Variants in NTMT2 observed in about 807,000 individuals in gnomAD.
The protein encoded by NTMT2 is N-terminal Xaa-Pro-Lys N-methyltransferase 2, also known as X-Pro-Lys N-terminal protein methyltransferase 1B.
NTMT2 carries 21 observed loss-of-function variants against 23.4 expected under a neutral mutation model. The observed-to-expected ratio is 0.90, with a 90% CI of 0.64 to 1.29. NTMT2 has a LOEUF of 1.29. NTMT2 is among the 50% of genes most tolerant of loss of function. The pLI, the probability that NTMT2 is intolerant of heterozygous loss-of-function variation, is 0.00. For missense variants in NTMT2, 336 were observed against 352.0 expected, an observed-to-expected ratio of 0.95 and a Z score of 0.36; for synonymous variants, 131 against 127.7, an observed-to-expected ratio of 1.03 and a Z score of -0.17.
intron 1 of NTMT2, 23 bp from the exon 2 acceptor site, chr1:170,160,495 T>A: frequency 6.7e-7 from 1 of 1,489,452 alleles, no homozygotes. Context: ...TATTAATACC[T>A]ATTAATAATG....
intron 1 of NTMT2, among the ~76,000 whole-genome samples, chr1:170,148,736 C>G (rs1252544697): frequency 6.6e-6 from 1 of 152,094 alleles, no homozygotes; most frequent in Non-Finnish European, 1.5e-5. Flanking sequence ...TTTCAACATG[C>G]ATTATTGGAG....
rs1673443009 is a variant in NTMT2 at position 170,168,432 on chromosome 1, CTAAT to C, written c.*679_*682del. Among the ~76,000 whole-genome samples, 1 of 152,166 alleles carries C rather than the reference CTAAT, an allele frequency of 6.6e-6. No homozygotes were observed. Among genetic ancestry groups the C allele is most frequent in the Non-Finnish European group, 1.5e-5 (1 of 68,038 alleles). ...ACTTCTCTTGAACAAACATCTCCCTCTAATTAAGAAGACACTAGTCAAAATAATC... is the reference window on the plus strand; with the variant it reads ...ACTTCTCTTGAACAAACATCTCCCTCTAAGAAGACACTAGTCAAAATAATC... On this transcript the variant is annotated 3_prime_UTR_variant, in exon 4 of 4. Transcript: ENST00000439373.
At chr1:170,147,144 T>G (rs1281865666) in intron 1 of NTMT2, among the ~76,000 whole-genome samples, 7 of 152,186 alleles carry the variant, frequency 4.6e-5, no homozygotes, top group African/African-American at 1.7e-4. Flanking sequence ...CATAATTCTT[T>G]GTATTGCATT....
intron 1 of NTMT2, 48 bp from the exon 2 acceptor site, chr1:170,160,470 T>G: frequency 2.9e-6 from 4 of 1,385,782 alleles, no homozygotes; most frequent in Non-Finnish European, 3.8e-6. Context: ...AGCTGAGATT[T>G]TTTTATCTTA....
At chr1:170,149,457 A>G (rs2102229621) in intron 1 of NTMT2, among the ~76,000 whole-genome samples, 1 of 152,346 alleles carries the variant, frequency 6.6e-6, no homozygotes, top group Admixed American at 6.5e-5. Flanking sequence ...AATTGCGTGT[A>G]TTAGTTTCCC....
At chr1:170,159,364 G>C (rs950739036) in intron 1 of NTMT2, among the ~76,000 whole-genome samples, 15 of 149,776 alleles carry the variant, frequency 1.0e-4, no homozygotes, top group Admixed American at 9.9e-4. Flanking sequence ...CTTTTAGGAG[G>C]GTGCACTTGC....
At chr1:170,146,323 A>C (rs1205674720) in intron 1 of NTMT2, 62 bp downstream of exon 1, 4 of 1,443,646 alleles carry the variant, frequency 2.8e-6, no homozygotes, top group Non-Finnish European at 2.8e-6. Flanking sequence ...GCATGAGGTC[A>C]TGGGGCTTCT....
rs1328318354 is a variant in NTMT2, at chr1:170,166,733, T to G, written c.562T>G (p.Trp188Gly). Reference sequence around the variant, plus strand: ...CCCCTTCAGGAGATATGATGTCATCTGGATTCAGTGGGTCTCTGGTTAGTC... The same window carrying G: ...CCCCTTCAGGAGATATGATGTCATCGGGATTCAGTGGGTCTCTGGTTAGTC... ...TPPFRRYDVI[W>G]IQWVSGHLTD... The change falls in exon 3 of 4, where the codon TGG becomes GGG. Residue 188 changes from tryptophan to glycine, a missense_variant. Transcript: ENST00000439373. The G allele has an allele frequency of 6.4e-7, 1 of 1,552,248 alleles. No individual in the cohort carries two copies. Among genetic ancestry groups the G allele is most frequent in the African/African-American group, 1.4e-5 (1 of 73,054 alleles).
Position 170,160,598 on chromosome 1 carries a change from G to A in NTMT2, c.235G>A (p.Val79Ile), listed in dbSNP as rs189142849. The change falls in exon 2 of 4, where the codon GTA (valine) becomes ATA (isoleucine). Residue 79 changes from valine (V) to isoleucine (I), a missense_variant. Val to Ile is a conservative substitution (Grantham distance 29). Transcript: ENST00000439373. ...CAGAGCTAAACTTTTCTACCAAGAA[G>A]TACCAGCCACAGAAGAGGGTATGAT... ...YARAKLFYQE[V>I]PATEEGMMGN... The A allele has an allele frequency of 1.2e-5, 18 of 1,551,538 alleles. No individual in the cohort carries two copies. Among genetic ancestry groups the A allele is most frequent in the Middle Eastern group, 1.7e-4 (1 of 5,990 alleles).
chr1:170,160,748 C>T, intron 2 of NTMT2, 55 bp downstream of exon 2: 1 of 1,400,006 alleles, frequency 7.1e-7, no homozygotes, highest in South Asian at 1.5e-5. Flanking sequence ...AAACATTGAG[C>T]TCGCATGCCT....
At position 170,165,593 on chromosome 1, in the gene NTMT2, T is replaced by C. The variant is rs143932892; in HGVS notation, c.331-909T>C. Among the ~76,000 whole-genome samples, 405 of 152,184 alleles carry C rather than the reference T, an allele frequency of 2.7e-3. 1 individual carries two copies. The highest frequency in any genetic ancestry group is 8.9e-3 in the African/African-American group (370 of 41,524). On this transcript the variant is annotated intron_variant, in intron 2 of 3. Transcript: ENST00000439373. ...AAACTTACCATCCACCTAAGAGGAG[T>C]AGATAATTCAGAGCCTTCAAAATTT...
chr1:170,153,766 T>C (rs943579322), intron 1 of NTMT2, among the ~76,000 whole-genome samples: 1 of 152,234 alleles, frequency 6.6e-6, no homozygotes, highest in Non-Finnish European at 1.5e-5. Context: ...GCATAAAAGT[T>C]GAAAATTTGC....
intron 1 of NTMT2, among the ~76,000 whole-genome samples, chr1:170,146,689 A>T (rs1248117059): frequency 1.3e-5 from 2 of 152,220 alleles, no homozygotes; most frequent in Non-Finnish European, 1.5e-5. Flanking sequence ...TGCTTGGGTT[A>T]TGTATGTATG....
rs1263881435 is a variant in NTMT2, at chr1:170,168,138, T to A, written c.*381T>A. On this transcript the variant is annotated 3_prime_UTR_variant, in exon 4 of 4. Coordinates refer to ENST00000439373, the MANE Select transcript of NTMT2 (RefSeq NM_001136107.2). ...TCCTAGACAAAAATGGTGGTTTTTTTTTTGTTTTTCCATCACAAGATGAAA... is the reference window on the plus strand; with the variant it reads ...TCCTAGACAAAAATGGTGGTTTTTTATTTGTTTTTCCATCACAAGATGAAA... 2.0e-5 allele frequency among the ~76,000 whole-genome samples: 3 copies of A among 151,652 alleles called. No individual in the cohort carries two copies. Among genetic ancestry groups the A allele is most frequent in the Non-Finnish European group, 4.4e-5 (3 of 67,904 alleles).
At chr1:170,152,633 CAG>C (rs1158624637) in intron 1 of NTMT2, among the ~76,000 whole-genome samples, 3 of 152,090 alleles carry the variant, frequency 2.0e-5, no homozygotes, top group South Asian at 2.1e-4. Context: ...CTGGGCAATC[CAG>C]AGACTTGGTA....
At chr1:170,158,604 G>A (rs547311692) in intron 1 of NTMT2, among the ~76,000 whole-genome samples, 133 of 151,894 alleles carry the variant, frequency 8.8e-4, no homozygotes, top group African/African-American at 2.4e-3. Context: ...GTCTCTTTCA[G>A]CTCCAGGGAA....
Position 170,167,443 on chromosome 1 carries a change from A to C in NTMT2, c.581-43A>C. Reference sequence around the variant, plus strand: ...TCCCTACTCACCTTCCATCCTCCCCACCATTTCTTCCTGTTCCCCCATCCA... The same window carrying C: ...TCCCTACTCACCTTCCATCCTCCCCCCCATTTCTTCCTGTTCCCCCATCCA... On this transcript the variant is annotated intron_variant, in intron 3 of 3. Coordinates refer to ENST00000439373, the MANE Select transcript of NTMT2 (RefSeq NM_001136107.2). The C allele has an allele frequency of 2.0e-6, 3 of 1,495,870 alleles. No homozygotes were observed. The South Asian group carries it at 4.0e-5, about 20-fold the overall frequency. 92.7% of individuals were successfully genotyped at this position (1,495,870 alleles called of 1,614,324 possible).
At chr1:170,166,995 G>T (rs1673407569) in intron 3 of NTMT2, among the ~76,000 whole-genome samples, 1 of 152,180 alleles carries the variant, frequency 6.6e-6, no homozygotes, top group Non-Finnish European at 1.5e-5. Context: ...CTTAAATGGA[G>T]CAAGTGCCTT....
At chr1:170,153,552 G>C (rs1412654409) in intron 1 of NTMT2, among the ~76,000 whole-genome samples, 1 of 152,206 alleles carries the variant, frequency 6.6e-6, no homozygotes, top group African/African-American at 2.4e-5. Flanking sequence ...TTATGCTTTA[G>C]CAAAGAGCTT....
Sources: allele counts gnomAD v4.1 joint callset (sites outside exome capture counted in the v4.1 genomes callset), GRCh38; gene constraint gnomAD v4.1.1; transcripts MANE v1.5; gene names NCBI Gene and HGNC (gene_info 2026-07-23, HGNC 2026-07-21).